LAMA3: variants seen among roughly 807,000 people sequenced by gnomAD.
LAMA3 encodes laminin subunit alpha-3.
Under a neutral mutation model 402.0 loss-of-function variants are expected in LAMA3, and 281 were observed. The observed-to-expected ratio is 0.70, with a 90% CI of 0.63 to 0.77. The LOEUF (loss-of-function observed/expected upper bound fraction) is 0.77. Ranked by LOEUF, LAMA3 falls within the 30% of genes least tolerant of loss-of-function variation. The pLI, the probability that LAMA3 is intolerant of heterozygous loss-of-function variation, is 0.00. For missense variants in LAMA3, 3,840 were observed against 4,215.5 expected, an observed-to-expected ratio of 0.91 and a Z score of 2.47; for synonymous variants, 1,431 against 1,558.4, an observed-to-expected ratio of 0.92 and a Z score of 1.93.
chr18:23,822,150 A>G lies in LAMA3; in HGVS notation c.2305-102A>G, dbSNP rs114199516. The stretch of plus-strand genomic sequence containing the variant: ...GTATGTGTGTGTATGTGTGTACATT[A>G]CAAGTCCAGTAGTGACACTTGAATA... On this transcript the variant is annotated intron_variant, in intron 19 of 74. Transcript: ENST00000313654. 586 of 1,292,614 alleles carry G rather than the reference A, an allele frequency of 4.5e-4. 3 individuals carry two copies. In the African/African-American group the frequency reaches 7.1e-3, roughly 16 times the overall value. 80.1% of individuals were successfully genotyped at this position (1,292,614 alleles called of 1,614,324 possible).
chr18:23,836,908 C>A, intron 24 of LAMA3, 73 bp from the exon 25 acceptor site: 2 of 1,089,114 alleles, frequency 1.8e-6, no homozygotes, highest in Non-Finnish European at 2.8e-6. Context: ...GAGCCATCAG[C>A]CAACCCAGAA....
intron 2 of LAMA3, among the ~76,000 whole-genome samples, chr18:23,741,019 C>T (rs11875274): frequency 0.064 from 9,687 of 151,402 alleles, 648 homozygotes; most frequent in Admixed American, 0.18. Flanking sequence ...AGTGGTGCGA[C>T]CTTGGTTCAC....
chr18:23,785,023 C>T (rs755617848), intron 12 of LAMA3, among the ~76,000 whole-genome samples: 9 of 152,168 alleles, frequency 5.9e-5, no homozygotes, highest in Admixed American at 1.3e-4. Flanking sequence ...TCCAAGGAGG[C>T]CTCCAATGGA....
intron 42 of LAMA3, among the ~76,000 whole-genome samples, chr18:23,890,641 T>A (rs1376636510): frequency 6.6e-6 from 1 of 152,180 alleles, no homozygotes; most frequent in Non-Finnish European, 1.5e-5. Flanking sequence ...AGGAAGACTA[T>A]CCTCTTCCTT....
At chr18:23,722,361 G>A (rs964807636) in intron 2 of LAMA3, among the ~76,000 whole-genome samples, 17 of 152,200 alleles carry the variant, frequency 1.1e-4, no homozygotes, top group African/African-American at 3.1e-4. Context: ...CTGATCCACC[G>A]TGTGCTCCTT....
At chr18:23,785,462 G>T (rs2062525431) in intron 12 of LAMA3, among the ~76,000 whole-genome samples, 1 of 152,208 alleles carries the variant, frequency 6.6e-6, no homozygotes, top group Admixed American at 6.5e-5. Context: ...TAACCCCTCT[G>T]TTCCTCAGTT....
chr18:23,867,699 C>T, intron 36 of LAMA3, 135 bp from the exon 37 acceptor site: 1 of 746,748 alleles, frequency 1.3e-6, no homozygotes, highest in Non-Finnish European at 2.5e-6. Context: ...TTTTACCAGT[C>T]AGTTAATTCT....
At chr18:23,816,332 G>GAT in intron 17 of LAMA3, 56 bp from the exon 18 acceptor site, 1 of 1,363,070 alleles carries the variant, frequency 7.3e-7, no homozygotes, top group East Asian at 2.3e-5. Flanking sequence ...CAGCAGGGGA[G>GAT]GCGCTCAGTG....
chr18:23,699,024 T>TAGAGAGAGAGAGAGAGAGAG (rs34691495), intron 1 of LAMA3, among the ~76,000 whole-genome samples: 83 of 142,556 alleles, frequency 5.8e-4, no homozygotes, highest in African/African-American at 2.1e-3. Flanking sequence ...GGCGGGCAGA[T>TAGAGAGAGAGAGAGAGAGAG]AGAGAGAGAG....
At chr18:23,894,496 T>A (rs974333025) in intron 43 of LAMA3, 148 bp downstream of exon 43, 2 of 749,926 alleles carry the variant, frequency 2.7e-6, no homozygotes, top group Non-Finnish European at 4.8e-6. Context: ...AATCAGCTTC[T>A]CTCTGTATGA....
intron 11 of LAMA3, among the ~76,000 whole-genome samples, chr18:23,778,484 A>C (rs1242647005): frequency 6.6e-6 from 1 of 152,210 alleles, no homozygotes; most frequent in Non-Finnish European, 1.5e-5. Context: ...AGCCATTCAC[A>C]TCATAGGCAT....
rs1391321892 is a variant in LAMA3, at chr18:23,939,278, C to T, written c.8918C>T (p.Ala2973Val). Residue 2973 changes from alanine (A) to valine (V), a missense_variant, in exon 68 of 75, where the codon GCT becomes GTT. Physicochemically the swap from Ala to Val is moderately conservative, Grantham distance 64 (BLOSUM62 0). Around this residue, in one of 3 missense-constraint regions of LAMA3, gnomAD observed 840 missense variants for 981.9 expected, o/e 0.86. Coordinates refer to ENST00000313654, the MANE Select transcript of LAMA3 (RefSeq NM_198129.4). ...SPRSVKVWQDACSPLPKTQAN... is the reference protein window; with the variant it reads ...SPRSVKVWQDVCSPLPKTQAN... ...AGGAGCGTGAAGGTGTGGCAAGATG[C>T]TTGCTCACCACTTCCCAAGACCCAG... is the stretch of plus-strand genomic sequence containing the variant. 6 of 1,614,036 alleles carry T rather than the reference C, an allele frequency of 3.7e-6. No homozygotes were observed. Among genetic ancestry groups the T allele is most frequent in the Non-Finnish European group, 5.1e-6 (6 of 1,179,992 alleles).
At chr18:23,777,441 T>C in intron 10 of LAMA3, 116 bp from the exon 11 acceptor site, 1 of 757,948 alleles carries the variant, frequency 1.3e-6, no homozygotes, top group Non-Finnish European at 2.4e-6. Context: ...AATTAGTCTC[T>C]ATATGCTACT....
At chr18:23,702,876 T>C (rs576261429) in intron 1 of LAMA3, among the ~76,000 whole-genome samples, 1 of 152,340 alleles carries the variant, frequency 6.6e-6, no homozygotes, top group African/African-American at 2.4e-5. Flanking sequence ...CTTAGACCAA[T>C]TGCTCCACCT....
chr18:23,780,593 C>G (rs1007110907), intron 11 of LAMA3, among the ~76,000 whole-genome samples: 8 of 152,148 alleles, frequency 5.3e-5, no homozygotes, highest in African/African-American at 1.9e-4. Context: ...CCTGAGCGGG[C>G]AGCCAGCTCA....
At chr18:23,885,819 C>A (rs1463719676) in intron 41 of LAMA3, among the ~76,000 whole-genome samples, 1 of 152,118 alleles carries the variant, frequency 6.6e-6, no homozygotes. Flanking sequence ...TAGCCCTGTG[C>A]ACTCAAACGC....
intron 16 of LAMA3, 46 bp from the exon 17 acceptor site, chr18:23,815,422 T>C: frequency 3.3e-6 from 5 of 1,516,574 alleles, no homozygotes; most frequent in Non-Finnish European, 4.6e-6. Flanking sequence ...GATTAGTGAA[T>C]TCTGTAATTA....
intron 12 of LAMA3, among the ~76,000 whole-genome samples, chr18:23,789,709 G>A (rs2062613913): frequency 1.3e-5 from 2 of 152,174 alleles, no homozygotes; most frequent in Admixed American, 1.3e-4. Context: ...TTCTTTTAGG[G>A]GGAACGAAAA....
intron 12 of LAMA3, among the ~76,000 whole-genome samples, chr18:23,803,162 G>A (rs1034445236): frequency 3.9e-5 from 6 of 152,198 alleles, no homozygotes; most frequent in Admixed American, 2.0e-4. Flanking sequence ...AGGAATTTCT[G>A]TATCCAAGTA....
Sources: gnomAD v4.1 joint callset for allele counts (sites outside exome capture counted in the v4.1 genomes callset) on GRCh38, gnomAD v4.1.1 for gene constraint, gnomAD v4.1.1 regional missense constraint, MANE v1.5 for transcripts, NCBI Gene and HGNC (gene_info 2026-07-23, HGNC 2026-07-21) for gene names.